Variants in PIBF1 observed in about 807,000 individuals in gnomAD.
PIBF1 encodes the protein progesterone immunomodulatory binding factor 1.
A neutral mutation model predicts 112.5 loss-of-function variants in PIBF1; 90 were observed. The ratio of observed to expected loss-of-function variants is 0.80; its 90% confidence interval spans 0.67 to 0.95. The LOEUF is 0.95. PIBF1 is among the 40% of genes least tolerant of loss of function. The pLI is 0.00. For missense variants in PIBF1, 915 were observed against 852.3 expected (o/e 1.07, Z -0.92); for synonymous variants, 301 against 288.6 (o/e 1.04, Z -0.44).
At chr13:72,931,084 T>G in intron 13 of PIBF1, 81 bp from the exon 14 acceptor site, 1 of 778,886 alleles carries the variant, frequency 1.3e-6, no homozygotes, top group South Asian at 1.6e-5. Context: ...TGATGTCTAT[T>G]TTCAAGTACA....
At chr13:72,794,810 T>A (rs994528490) in intron 3 of PIBF1, among the ~76,000 whole-genome samples, 9 of 152,312 alleles carry the variant, frequency 5.9e-5, no homozygotes, top group African/African-American at 1.4e-4. Flanking sequence ...ATTAGTAGCA[T>A]GAGAGCAGAC....
chr13:72,832,731 C>G (rs2037181224), intron 8 of PIBF1, among the ~76,000 whole-genome samples: 1 of 152,148 alleles, frequency 6.6e-6, no homozygotes, highest in African/African-American at 2.4e-5. Flanking sequence ...CTTGGCGAAT[C>G]TGACAATTAT....
rs146557276 is a variant in PIBF1 at position 72,856,470 on chromosome 13, A to G, written c.1322+2315A>G. 3.5e-3 allele frequency among the ~76,000 whole-genome samples: 540 copies of G among 152,298 alleles called. 2 individuals are homozygous for G. Among genetic ancestry groups the G allele is most frequent in the African/African-American group, 0.012 (511 of 41,572 alleles). ...CTTAAATATTTGTGATAGTTTTAAA[A>G]TCAAGACAAGGAAAAAAAGGTGTTT... is the stretch of plus-strand genomic sequence containing the variant. On this transcript the variant is annotated intron_variant, in intron 10 of 17. Transcript: ENST00000326291.
At chr13:72,897,411 C>A (rs1438782397) in intron 11 of PIBF1, among the ~76,000 whole-genome samples, 1 of 151,942 alleles carries the variant, frequency 6.6e-6, no homozygotes, top group Non-Finnish European at 1.5e-5. Context: ...AAAACAACAA[C>A]AAAAAAAGTA....
At chr13:72,869,415 A>G (rs963219078) in intron 10 of PIBF1, among the ~76,000 whole-genome samples, 7 of 145,184 alleles carry the variant, frequency 4.8e-5, no homozygotes, top group African/African-American at 1.5e-4. Context: ...GAATTGAACA[A>G]TGAGAGCACA....
chr13:72,835,393 G>C lies in PIBF1; in HGVS notation c.1223+25G>C, dbSNP rs748194635. ...GGTAAAAAAAAAAAAATGCTTGTATGGTATTTTATTTATCTTTGGAGGTTT... is the reference window on the plus strand; with the variant it reads ...GGTAAAAAAAAAAAAATGCTTGTATCGTATTTTATTTATCTTTGGAGGTTT... On this transcript the variant is annotated intron_variant, in intron 9 of 17. Transcript: ENST00000326291. The C allele has an allele frequency of 3.3e-6, 5 of 1,493,178 alleles. No individual in the cohort carries two copies. In the South Asian group the frequency reaches 6.6e-5, roughly 20 times the overall value. 92.5% of individuals were successfully genotyped at this position (1,493,178 alleles called of 1,614,324 possible). A position where few individuals can be genotyped will look rare whatever the true frequency, so the allele number is the denominator to read the frequency against.
chr13:72,928,448 C>G, intron 13 of PIBF1, among the ~76,000 whole-genome samples: 1 of 151,778 alleles, frequency 6.6e-6, no homozygotes, highest in Non-Finnish European at 1.5e-5. Context: ...CCAAGAATTT[C>G]TTTTTTTTGA....
chr13:72,788,916 T>C (rs1013685096), intron 2 of PIBF1, among the ~76,000 whole-genome samples: 2 of 152,220 alleles, frequency 1.3e-5, no homozygotes, highest in African/African-American at 4.8e-5. Context: ...GGCTTTATTA[T>C]AGTTTGTTAC....
At chr13:72,943,329 A>G (rs879676490) in intron 14 of PIBF1, among the ~76,000 whole-genome samples, 10 of 152,216 alleles carry the variant, frequency 6.6e-5, no homozygotes, top group Admixed American at 2.6e-4. Flanking sequence ...TTTATTGTAT[A>G]TTTCAAAATA....
At chr13:72,833,143 T>C (rs1163822750) in intron 8 of PIBF1, among the ~76,000 whole-genome samples, 1 of 152,240 alleles carries the variant, frequency 6.6e-6, no homozygotes, top group African/African-American at 2.4e-5. Flanking sequence ...TTCTCTACAC[T>C]GGTTATTCTA....
intron 10 of PIBF1, among the ~76,000 whole-genome samples, chr13:72,886,907 C>T (rs935401626): frequency 2.0e-5 from 3 of 152,024 alleles, no homozygotes; most frequent in African/African-American, 7.2e-5. Context: ...TCCTTTCTCA[C>T]GTTCTTTAGT....
intron 10 of PIBF1, among the ~76,000 whole-genome samples, chr13:72,867,289 G>A (rs1037137649): frequency 6.6e-6 from 1 of 152,086 alleles, no homozygotes; most frequent in Admixed American, 6.6e-5. Context: ...TCACAAGGAG[G>A]CCTCCTCAGC....
chr13:72,819,185 A>G (rs1322539075), intron 5 of PIBF1, among the ~76,000 whole-genome samples: 1 of 152,124 alleles, frequency 6.6e-6, no homozygotes, highest in African/African-American at 2.4e-5. Flanking sequence ...GCCGTAGGGT[A>G]AGATTAGGCT....
intron 16 of PIBF1, among the ~76,000 whole-genome samples, chr13:72,985,020 T>C (rs918954816): frequency 6.6e-6 from 1 of 152,096 alleles, no homozygotes; most frequent in Non-Finnish European, 1.5e-5. Flanking sequence ...ATGTTTTCGG[T>C]TAAATTAAAA....
At chr13:72,891,336 G>T (rs539600777) in intron 10 of PIBF1, among the ~76,000 whole-genome samples, 4 of 152,074 alleles carry the variant, frequency 2.6e-5, no homozygotes, top group South Asian at 4.1e-4. Flanking sequence ...TACTTATCCA[G>T]AATTTATTTC....
Position 72,853,458 on chromosome 13 carries a change from C to T in PIBF1, c.1224-599C>T, listed in dbSNP as rs114716617. Among the ~76,000 whole-genome samples, 814 of 152,276 alleles carry T rather than the reference C, an allele frequency of 5.3e-3. 15 individuals are homozygous for T. The highest frequency in any genetic ancestry group is 0.018 in the African/African-American group (762 of 41,560). ...TGTTCTACCTCCAAATCACCATTCT[C>T]CAGTCTTCCATCTTGCTTGTACAAC... On this transcript the variant is annotated intron_variant, in intron 9 of 17. Transcript: ENST00000326291.
intron 10 of PIBF1, among the ~76,000 whole-genome samples, chr13:72,858,814 A>C (rs1351206905): frequency 2.0e-5 from 3 of 152,196 alleles, no homozygotes; most frequent in Admixed American, 6.5e-5. Context: ...TATGTTTTTA[A>C]TACTCCTGGT....
chr13:72,884,514 A>G (rs2039768291), intron 10 of PIBF1: 1 of 152,054 alleles, frequency 6.6e-6, no homozygotes, highest in Non-Finnish European at 1.5e-5. Context: ...GGCCCAGGAA[A>G]ATGTTTGAGA....
intron 15 of PIBF1, among the ~76,000 whole-genome samples, chr13:72,967,055 C>T (rs2042760557): frequency 6.6e-6 from 1 of 151,696 alleles, no homozygotes; most frequent in Non-Finnish European, 1.5e-5. Context: ...CCTGCCTCAG[C>T]CTCCTGAGTA....
Sources: allele counts gnomAD v4.1 joint callset (sites outside exome capture counted in the v4.1 genomes callset), GRCh38; gene constraint gnomAD v4.1.1; transcripts MANE v1.5; gene names NCBI Gene and HGNC (gene_info 2026-07-23, HGNC 2026-07-21).